RTL1: variants seen among roughly 807,000 people sequenced by gnomAD.
RTL1 encodes retrotransposon-like protein 1.
For synonymous variants in RTL1, 727 were observed against 748.4 expected (o/e 0.97, Z 0.47); for missense variants, 1,681 against 1,767.5 (o/e 0.95, Z 0.88).
chr14:100,886,853 G>A (rs1035991606), intron 3 of RTL1, among the ~76,000 whole-genome samples: 3 of 152,102 alleles, frequency 2.0e-5, no homozygotes, highest in African/African-American at 7.2e-5. Context: ...TTAGCAAGAC[G>A]ATTTAAAAAC....
Position 100,882,599 on chromosome 14 carries a change from A to C in RTL1, c.2190T>G (p.Ser730=). The C allele has an allele frequency of 1.9e-6, 3 of 1,551,780 alleles. No individual in the cohort carries two copies. In the South Asian group the frequency reaches 3.6e-5, roughly 18 times the overall value. ...AGTAGATCAGGACTTCCTGGCCATA[A>C]GAAAGCACAAAGAACCCTAGCATGT... is the stretch of plus-strand genomic sequence containing the variant. ...LKDMLGFFVL[S]YGQEVLIYSM... is the part of the protein sequence containing the mutation. The change falls in exon 4 of 4, where the codon TCT becomes TCG. Residue 730 remains serine (S), a synonymous_variant. Transcript: ENST00000649591.
In RTL1 at chr14:100,882,456, A is replaced by C; in HGVS notation, c.2333T>G (p.Leu778Arg). ...SQFHRQTVEF[L>R]GFVVTPKGVK... ...CCCTTTGGGGGTGACGACGAAGCCC[A>C]GGAATTCCACGGTTTGGCGGTGGAA... Residue 778 changes from leucine to arginine, a missense_variant, in exon 4 of 4, where the codon CTG becomes CGG. Coordinates refer to ENST00000649591, the MANE Select transcript of RTL1 (RefSeq NM_001134888.3). The C allele has an allele frequency of 1.3e-6, 2 of 1,552,130 alleles. No individual in the cohort carries two copies. Among genetic ancestry groups the C allele is most frequent in the Non-Finnish European group, 1.7e-6 (2 of 1,147,116 alleles).
intron 2 of RTL1, among the ~76,000 whole-genome samples, chr14:100,902,852 C>T (rs1303042058): frequency 6.6e-6 from 1 of 152,096 alleles, no homozygotes; most frequent in South Asian, 2.1e-4. Flanking sequence ...GTGGAGTAGA[C>T]GGTGGGACCC....
rs1215801396 is a variant in RTL1, at chr14:100,884,687, C to G, written c.102G>C (p.Glu34Asp). Residue 34 changes from glutamate (E) to aspartate (D), a missense_variant, in exon 4 of 4, where the codon GAG becomes GAC. Transcript: ENST00000649591. ...CCCGCACTCCACTGCCCGACGTCGCCTCGGTGGTGTTGGATGAGCCCTCGG... is the reference window on the plus strand; with the variant it reads ...CCCGCACTCCACTGCCCGACGTCGCGTCGGTGGTGTTGGATGAGCCCTCGG... ...ESSEGSSNTTEATSGSGVRGE... is the reference protein window; with the variant it reads ...ESSEGSSNTTDATSGSGVRGE... 6 of 1,613,702 alleles carry G rather than the reference C, an allele frequency of 3.7e-6. No individual in the cohort carries two copies. The highest frequency in any genetic ancestry group is 5.1e-6 in the Non-Finnish European group (6 of 1,180,016).
chr14:100,897,779 G>GGC (rs2038886873), intron 2 of RTL1: 3 of 112,790 alleles, frequency 2.7e-5, no homozygotes, highest in African/African-American at 1.7e-4. Context: ...GGTGGGGGGC[G>GGC]GGGGGGGGCA....
chr14:100,882,055 G>A lies in RTL1; in HGVS notation c.2734C>T (p.Pro912Ser). Reference protein sequence around the residue: ...CCAFYSRNISPIEVEYSQAEM... With the variant: ...CCAFYSRNISSIEVEYSQAEM... ...GCTTGAGAGTACTCAACCTCGATAG[G>A]GGAGATGTTGCGGGAGTAGAAAGCG... The change falls in exon 4 of 4, where the codon CCT becomes TCT. Residue 912 changes from proline (P) to serine (S), a missense_variant. Transcript: ENST00000649591. The A allele has an allele frequency of 1.2e-6, 2 of 1,611,466 alleles. No homozygotes were observed. Among genetic ancestry groups the A allele is most frequent in the Non-Finnish European group, 1.7e-6 (2 of 1,178,770 alleles).
chr14:100,883,957 A>T lies in RTL1; in HGVS notation c.832T>A (p.Phe278Ile). Residue 278 changes from phenylalanine to isoleucine, a missense_variant, in exon 4 of 4, where the codon TTT (phenylalanine) becomes ATT (isoleucine). By Grantham distance (21) the Phe-to-Ile change is conservative. Coordinates refer to ENST00000649591, the MANE Select transcript of RTL1 (RefSeq NM_001134888.3). The surrounding 1 kb of genome is among the most constrained non-coding windows in gnomAD (Gnocchi z 5.9). The stretch of plus-strand genomic sequence containing the variant: ...ACACGCAGTGCCTGGCGGTACTCAA[A>T]CACTTCGGACATGGCCTCCAGGAAG... ...PAFLEAMSEV[F>I]EYRQALRVAE... 6.4e-7 allele frequency: 1 copy of T among 1,551,616 alleles called. No individual in the cohort carries two copies. The highest frequency in any genetic ancestry group is 8.7e-7 in the Non-Finnish European group (1 of 1,146,984).
chr14:100,889,829 G>T (rs905018232), intron 3 of RTL1: 1 of 152,144 alleles, frequency 6.6e-6, no homozygotes, highest in African/African-American at 2.4e-5. Flanking sequence ...TCTCTGGGAG[G>T]GCTTTGGGCG....
intron 3 of RTL1, among the ~76,000 whole-genome samples, chr14:100,887,255 T>C (rs1234519304): frequency 6.6e-6 from 1 of 152,178 alleles, no homozygotes; most frequent in Admixed American, 6.6e-5. Context: ...ATTCTGACCA[T>C]GTCATTCCTC....
At position 100,882,755 on chromosome 14, in the gene RTL1, G is replaced by A. The variant is rs1314230092; in HGVS notation, c.2034C>T (p.Asn678=). 5.8e-6 allele frequency: 9 copies of A among 1,551,730 alleles called. No homozygotes were observed. The South Asian group carries it at 5.9e-5, about 10-fold the overall frequency. ...TCCACACATCTTCGGTGCGGTGCCC[G>A]TTCACGCTTTCCTCCACAATGGTCC... ...LRGTIVEESV[N]GHRTEDVWKA... The change falls in exon 4 of 4, where the codon AAC becomes AAT. Residue 678 remains asparagine, a synonymous_variant. Transcript: ENST00000649591.
rs923914428 is a variant in RTL1, at chr14:100,880,480, C to T, written c.*232G>A. On this transcript the variant is annotated 3_prime_UTR_variant, in exon 4 of 4. Coordinates refer to ENST00000649591, the MANE Select transcript of RTL1 (RefSeq NM_001134888.3). Reference sequence around the variant, plus strand: ...CTTGGGACCTGGAGAACGGAGAACTCGTAGCCCAGGGCTGGCGCTGGGTCT... The same window carrying T: ...CTTGGGACCTGGAGAACGGAGAACTTGTAGCCCAGGGCTGGCGCTGGGTCT... 14 of 366,486 alleles carry T rather than the reference C, an allele frequency of 3.8e-5. 1 individual carries two copies. Among genetic ancestry groups the T allele is most frequent in the Middle Eastern group, 2.6e-3 (2 of 768 alleles). 22.7% of individuals were successfully genotyped at this position (366,486 alleles called of 1,614,324 possible). A position where few individuals can be genotyped will look rare whatever the true frequency, so the allele number is the denominator to read the frequency against.
Position 100,883,444 on chromosome 14 carries a change from C to T in RTL1, c.1345G>A (p.Glu449Lys), listed in dbSNP as rs2038649514. ...DEKFAQEHYV[E>K]LYEKPYPQPV... ...TGTGGGTACGGCTTCTCGTAGAGCT[C>T]GACGTAGTGCTCTTGGGCGAACTTC... The change falls in exon 4 of 4, where the codon GAG becomes AAG. Residue 449 changes from glutamate to lysine, a missense_variant. Physicochemically the swap from Glu to Lys is moderately conservative, Grantham distance 56. Coordinates refer to ENST00000649591, the MANE Select transcript of RTL1 (RefSeq NM_001134888.3). This position sits in a 1 kb window ranked among gnomAD's most constrained non-coding sequence, Gnocchi z 5.9. 3.9e-6 allele frequency: 6 copies of T among 1,550,744 alleles called. No homozygotes were observed. The highest frequency in any genetic ancestry group is 2.4e-5 in the East Asian group (1 of 40,868).
At position 100,880,251 on chromosome 14, in the gene RTL1, C is replaced by T. The variant is rs991450552; in HGVS notation, c.*461G>A. On this transcript the variant is annotated 3_prime_UTR_variant, in exon 4 of 4. Coordinates refer to ENST00000649591, the MANE Select transcript of RTL1 (RefSeq NM_001134888.3). The stretch of plus-strand genomic sequence containing the variant: ...GGGCGGGAGCTCAGGGGAGCAGGAG[C>T]ACCGGCAGTGGAGGTAGAAGAAGTC... 1.5e-4 allele frequency among the ~76,000 whole-genome samples: 23 copies of T among 151,478 alleles called. No homozygotes were observed. Among genetic ancestry groups the T allele is most frequent in the African/African-American group, 4.9e-4 (20 of 41,138 alleles).
intron 2 of RTL1, among the ~76,000 whole-genome samples, chr14:100,902,901 G>C (rs1364795863): frequency 1.3e-5 from 2 of 152,170 alleles, no homozygotes; most frequent in African/African-American, 2.4e-5. Flanking sequence ...TGTCGCAAGA[G>C]AGAAAACAGC....
rs1394066425 is a variant in RTL1 at position 100,903,092 on chromosome 14, A to AGAATTTGCATT, written c.-149+188_-149+198dup. ...GCCCACATCTGCATTTAATAGACCG[A>AGAATTTGCATT]GAATTTGCATTGTATATAACAGCAC... is the stretch of plus-strand genomic sequence containing the variant. On this transcript the variant is annotated intron_variant, in intron 2 of 3. Coordinates refer to ENST00000649591, the MANE Select transcript of RTL1 (RefSeq NM_001134888.3). Among the ~76,000 whole-genome samples the AGAATTTGCATT allele has an allele frequency of 3.3e-5, 5 of 152,332 alleles. No individual in the cohort carries two copies. In the East Asian group the frequency reaches 9.7e-4, roughly 29 times the overall value.
In RTL1 at chr14:100,883,276, C is replaced by T; in HGVS notation, c.1513G>A (p.Gly505Ser). The T allele has an allele frequency of 6.4e-7, 1 of 1,551,266 alleles. No individual in the cohort carries two copies. Among genetic ancestry groups the T allele is most frequent in the Non-Finnish European group, 8.7e-7 (1 of 1,146,796 alleles). The change falls in exon 4 of 4, where the codon GGC becomes AGC. Residue 505 changes from glycine (G) to serine (S), a missense_variant. Gly to Ser is a moderately conservative substitution (Grantham distance 56). Coordinates refer to ENST00000649591, the MANE Select transcript of RTL1 (RefSeq NM_001134888.3). The surrounding 1 kb of genome is among the most constrained non-coding windows in gnomAD (Gnocchi z 5.9). The part of the protein sequence containing the change: ...VPSPNFSVVL[G>S]IRWLRVHAPE... ...GCGTGGACTCGGAGCCAGCGGATGC[C>T]TAGGACCACAGAGAAGTTCGGTGAA...
rs147275542 is a variant in RTL1 at position 100,888,305 on chromosome 14, T to C, written c.-86-3431A>G. Among the ~76,000 whole-genome samples the C allele has an allele frequency of 1.1e-3, 167 of 152,364 alleles. 1 individual carries two copies. The highest frequency in any genetic ancestry group is 3.7e-3 in the African/African-American group (155 of 41,582). On this transcript the variant is annotated intron_variant, in intron 3 of 3. Transcript: ENST00000649591. ...GCCAAAATGCACTTGTTTGAGCATG[T>C]AACTTCTCAACTTAAAACTTCTCGA...
At chr14:100,885,531 T>C (rs932425389) in intron 3 of RTL1, among the ~76,000 whole-genome samples, 4 of 151,914 alleles carry the variant, frequency 2.6e-5, no homozygotes, top group African/African-American at 9.7e-5. Context: ...GGGTTTTTTT[T>C]TTTTTTTTCC....
At chr14:100,896,498 C>T (rs914012848) in intron 2 of RTL1, among the ~76,000 whole-genome samples, 5 of 152,054 alleles carry the variant, frequency 3.3e-5, no homozygotes, top group Non-Finnish European at 7.4e-5. Context: ...GTATGCTTGT[C>T]ACATCCTTGT....
Sources: allele counts gnomAD v4.1 joint callset (sites outside exome capture counted in the v4.1 genomes callset), GRCh38; gene constraint gnomAD v4.1.1; non-coding constraint Gnocchi (gnomAD v3.1); transcripts MANE v1.5; gene names NCBI Gene and HGNC (gene_info 2026-07-23, HGNC 2026-07-21).